ARHGAP8: variants seen among roughly 807,000 people sequenced by gnomAD.
The protein encoded by ARHGAP8 is Rho GTPase activating protein 8, also known as rho GTPase-activating protein 8.
ARHGAP8 carries 62 observed loss-of-function variants against 46.1 expected under a neutral mutation model. The ratio of observed to expected loss-of-function variants is 1.34; its 90% CI spans 1.10 to 1.66. The LOEUF is 1.66. ARHGAP8 is among the 40% of genes most tolerant of loss of function. The probability of loss-of-function intolerance (pLI) is 0.00; values close to 1 mark genes in which losing one functional copy is unlikely to be tolerated. For missense variants in ARHGAP8, 923 were observed against 568.4 expected (o/e 1.62, Z -6.34); for synonymous variants, 375 against 243.1 (o/e 1.54, Z -5.05).
chr22:44,772,260 T>C (rs71330767), intron 1 of ARHGAP8, among the ~76,000 whole-genome samples: 15,005 of 69,096 alleles, frequency 0.22, 3,001 homozygotes, highest in East Asian at 0.34. Flanking sequence ...TTTTCAAGAC[T>C]GAGTCTCTGT....
At chr22:44,793,554 C>G (rs868109088) in intron 2 of ARHGAP8, among the ~76,000 whole-genome samples, 1 of 152,116 alleles carries the variant, frequency 6.6e-6, no homozygotes, top group Non-Finnish European at 1.5e-5. Context: ...AGCAAACTTG[C>G]GACTCCCTCC....
At chr22:44,785,089 G>A (rs750224502) in intron 1 of ARHGAP8, among the ~76,000 whole-genome samples, 1 of 152,218 alleles carries the variant, frequency 6.6e-6, no homozygotes, top group Non-Finnish European at 1.5e-5. Context: ...ATGTGAGGCA[G>A]CCCTCAGGCC....
chr22:44,861,769 T>C (rs2070498119), intron 11 of ARHGAP8, among the ~76,000 whole-genome samples: 1 of 151,872 alleles, frequency 6.6e-6, no homozygotes, highest in Admixed American at 6.6e-5. Context: ...AGATGGGGAG[T>C]AATGACTCCC....
intron 2 of ARHGAP8, among the ~76,000 whole-genome samples, chr22:44,788,936 G>A (rs1927471974): frequency 6.6e-6 from 1 of 152,178 alleles, no homozygotes; most frequent in African/African-American, 2.4e-5. Context: ...GTTATGCGTT[G>A]TTGGGCAGAA....
At chr22:44,857,563 G>A (rs1311514337) in intron 10 of ARHGAP8, among the ~76,000 whole-genome samples, 6 of 152,212 alleles carry the variant, frequency 3.9e-5, no homozygotes, top group Admixed American at 3.3e-4. Context: ...TGGAAGAAGA[G>A]TGGAGAGGCG....
At chr22:44,857,225 C>T (rs964522066) in intron 10 of ARHGAP8, among the ~76,000 whole-genome samples, 2 of 151,794 alleles carry the variant, frequency 1.3e-5, no homozygotes, top group Non-Finnish European at 2.9e-5. Context: ...TAGGTGTGAG[C>T]CACCACGACC....
intron 1 of ARHGAP8, among the ~76,000 whole-genome samples, chr22:44,758,706 G>A (rs577111647): frequency 1.3e-5 from 2 of 152,276 alleles, no homozygotes; most frequent in South Asian, 4.1e-4. Context: ...GTGTGCCAGG[G>A]CAAAGGCAGT....
intron 5 of ARHGAP8, among the ~76,000 whole-genome samples, chr22:44,819,572 G>T (rs914138491): frequency 1.3e-5 from 2 of 152,066 alleles, no homozygotes; most frequent in Non-Finnish European, 2.9e-5. Flanking sequence ...ACTCAGGAGG[G>T]TGAGCTACGA....
intron 3 of ARHGAP8, among the ~76,000 whole-genome samples, chr22:44,805,885 T>G (rs1928888687): frequency 6.6e-6 from 1 of 152,220 alleles, no homozygotes; most frequent in Admixed American, 6.5e-5. Context: ...CAAGTCTATG[T>G]CTTTGAAACC....
At chr22:44,833,350 G>C (rs1448798118) in intron 7 of ARHGAP8, among the ~76,000 whole-genome samples, 1 of 151,716 alleles carries the variant, frequency 6.6e-6, no homozygotes, top group Non-Finnish European at 1.5e-5. Context: ...TTGAGTGGTT[G>C]GTTGGTTGGT....
intron 1 of ARHGAP8, chr22:44,765,155 GC>G (rs962588123): frequency 3.9e-5 from 6 of 152,252 alleles, no homozygotes; most frequent in South Asian, 4.1e-4. Context: ...CTGGCCCGGG[GC>G]CTGCACTGGG....
intron 10 of ARHGAP8, among the ~76,000 whole-genome samples, chr22:44,858,285 A>G (rs190036020): frequency 1.3e-5 from 2 of 151,892 alleles, no homozygotes; most frequent in East Asian, 3.9e-4. Context: ...ATAGGCATGC[A>G]TGTGGCTGAG....
At chr22:44,785,865 G>A (rs1007852696) in intron 1 of ARHGAP8, among the ~76,000 whole-genome samples, 2 of 152,090 alleles carry the variant, frequency 1.3e-5, no homozygotes, top group African/African-American at 2.4e-5. Context: ...TGGTGCTTTC[G>A]GCAGCACTGG....
Position 44,752,630 on chromosome 22 carries a change from A to C in ARHGAP8, c.-72+3A>C, listed in dbSNP as rs1924319394. 1 of 146,034 alleles carries C rather than the reference A, an allele frequency of 6.8e-6. No homozygotes were observed. Among genetic ancestry groups the C allele is most frequent in the Non-Finnish European group, 1.5e-5 (1 of 66,186 alleles). The allele number at this position is 146,034 out of a possible 1,614,324, so 9.0% of individuals were successfully genotyped here. A position where few individuals can be genotyped will look rare whatever the true frequency, so the allele number is the denominator to read the frequency against. On this transcript the variant is annotated splice_donor_region_variant and intron_variant, in intron 1 of 11. Coordinates refer to ENST00000356099, the MANE Select transcript of ARHGAP8 (RefSeq NM_181335.3). Reference sequence around the variant, plus strand: ...GGGCCGGCGGGGTCCGTGGCCAGGTAAGGCGGGCGGCGGCGGGAGGGAGCG... The same window carrying C: ...GGGCCGGCGGGGTCCGTGGCCAGGTCAGGCGGGCGGCGGCGGGAGGGAGCG...
chr22:44,806,879 G>A (rs1401066373), intron 3 of ARHGAP8, among the ~76,000 whole-genome samples: 2 of 151,344 alleles, frequency 1.3e-5, no homozygotes, highest in Admixed American at 6.6e-5. Context: ...CACGAGAACG[G>A]CGTGAATCCA....
chr22:44,758,448 G>C (rs1317156684), intron 1 of ARHGAP8, among the ~76,000 whole-genome samples: 1 of 152,204 alleles, frequency 6.6e-6, no homozygotes, highest in African/African-American at 2.4e-5. Context: ...TGAAGGCCAA[G>C]GCTGGGTGTA....
intron 1 of ARHGAP8, among the ~76,000 whole-genome samples, chr22:44,782,074 C>G (rs961685083): frequency 6.6e-6 from 1 of 152,132 alleles, no homozygotes; most frequent in Non-Finnish European, 1.5e-5. Flanking sequence ...GTGGCTCACG[C>G]CTATAATCCC....
intron 2 of ARHGAP8, among the ~76,000 whole-genome samples, chr22:44,788,534 T>C (rs968476610): frequency 6.6e-6 from 1 of 151,654 alleles, no homozygotes; most frequent in Non-Finnish European, 1.5e-5. Context: ...GCTGGGATTA[T>C]AGGCATATAC....
intron 1 of ARHGAP8, among the ~76,000 whole-genome samples, chr22:44,784,404 A>T (rs567984458): frequency 1.2e-4 from 18 of 152,340 alleles, no homozygotes; most frequent in African/African-American, 3.6e-4. Flanking sequence ...ACTCGGTCTC[A>T]AACAAAACAA....
Sources: gnomAD v4.1 joint callset for allele counts (sites outside exome capture counted in the v4.1 genomes callset) on GRCh38, gnomAD v4.1.1 for gene constraint, MANE v1.5 for transcripts, NCBI Gene and HGNC (gene_info 2026-07-23, HGNC 2026-07-21) for gene names.